The following CDH12 variants were observed in gnomAD, a reference collection of about 807,000 sequenced individuals.
CDH12 encodes the protein cadherin 12, also known as cadherin-12.
Under a neutral mutation model 74.1 loss-of-function variants are expected in CDH12, and 41 were observed. That is an observed-to-expected ratio of 0.55 (90% CI 0.43 to 0.72). The LOEUF (loss-of-function observed/expected upper bound fraction) is 0.72. CDH12 is among the 30% of genes least tolerant of loss of function. The pLI is 0.00. For synonymous variants in CDH12, 399 were observed against 355.0 expected (o/e 1.12, Z -1.39); for missense variants, 945 against 977.2 (o/e 0.97, Z 0.44).
chr5:22,113,734 C>T (rs574115580), intron 4 of CDH12, among the ~76,000 whole-genome samples: 46 of 152,218 alleles, frequency 3.0e-4, no homozygotes, highest in South Asian at 8.3e-4. Context: ...CAGAGTTTGA[C>T]TCTTTTCTTT....
At chr5:21,910,373 T>A (rs1324647494) in intron 6 of CDH12, among the ~76,000 whole-genome samples, 1 of 152,138 alleles carries the variant, frequency 6.6e-6, no homozygotes, top group African/African-American at 2.4e-5. Context: ...TGTTTTCATG[T>A]GTGGTGCCTC....
rs148678472 is a variant in CDH12 at position 22,624,783 on chromosome 5, C to T, written c.-522-119419G>A. ...CTCAAGGATCTAGAACTAGAAATAC[C>T]ATTTGACACAGCAATTCCATTACTG... On this transcript the variant is annotated intron_variant, in intron 1 of 14. Coordinates refer to ENST00000382254, the MANE Select transcript of CDH12 (RefSeq NM_004061.5). 2.6e-3 allele frequency among the ~76,000 whole-genome samples: 402 copies of T among 152,208 alleles called. 17 individuals carry two copies. The East Asian group carries it at 0.067, about 25-fold the overall frequency.
intron 3 of CDH12, among the ~76,000 whole-genome samples, chr5:22,317,183 T>C (rs1261291034): frequency 1.3e-5 from 2 of 152,056 alleles, no homozygotes; most frequent in Non-Finnish European, 2.9e-5. Flanking sequence ...TCAGGTGTAC[T>C]GGCGGGCGCC....
chr5:22,769,630 A>T (rs1746704303), intron 1 of CDH12, among the ~76,000 whole-genome samples: 1 of 152,002 alleles, frequency 6.6e-6, no homozygotes, highest in Non-Finnish European at 1.5e-5. Flanking sequence ...CTATCCTATT[A>T]GTTCTGTCTC....
At chr5:22,268,581 A>G (rs778338366) in intron 3 of CDH12, among the ~76,000 whole-genome samples, 3 of 152,148 alleles carry the variant, frequency 2.0e-5, no homozygotes, top group Non-Finnish European at 2.9e-5. Flanking sequence ...TGTAAAAAAA[A>G]ACTCTACAAT....
At chr5:22,741,979 G>A (rs533769654) in intron 1 of CDH12, among the ~76,000 whole-genome samples, 2 of 152,220 alleles carry the variant, frequency 1.3e-5, no homozygotes, top group South Asian at 4.1e-4. Context: ...TCAGGAGTTC[G>A]AGACCAGCGT....
At chr5:22,150,478 G>C (rs568027996) in intron 4 of CDH12, among the ~76,000 whole-genome samples, 2 of 151,474 alleles carry the variant, frequency 1.3e-5, no homozygotes, top group Admixed American at 6.6e-5. Flanking sequence ...TATATATAGA[G>C]AGAGAACACT....
intron 6 of CDH12, among the ~76,000 whole-genome samples, chr5:21,892,509 A>G (rs939110533): frequency 6.6e-6 from 1 of 152,100 alleles, no homozygotes; most frequent in African/African-American, 2.4e-5. Flanking sequence ...ATTAATTTGG[A>G]TTGTAAAAGA....
At chr5:21,892,302 G>T (rs1561279006) in intron 6 of CDH12, among the ~76,000 whole-genome samples, 1 of 152,106 alleles carries the variant, frequency 6.6e-6, no homozygotes, top group East Asian at 1.9e-4. Context: ...GAGTGATGTG[G>T]TTATCAATCA....
In CDH12 at chr5:22,751,721, G is replaced by A. The variant is rs574168585; in HGVS notation, c.-523+101337C>T. 2.0e-5 allele frequency among the ~76,000 whole-genome samples: 3 copies of A among 152,204 alleles called. No individual in the cohort carries two copies. The South Asian group carries it at 6.2e-4, about 32-fold the overall frequency. On this transcript the variant is annotated intron_variant, in intron 1 of 14. Coordinates refer to ENST00000382254, the MANE Select transcript of CDH12 (RefSeq NM_004061.5). ...ATATTTCTGAAGTTATTTGGTTTGGGTATGTTGCCAGCTAGCAAAACACAT... is the reference window on the plus strand; with the variant it reads ...ATATTTCTGAAGTTATTTGGTTTGGATATGTTGCCAGCTAGCAAAACACAT...
At chr5:22,651,749 A>G (rs754970439) in intron 1 of CDH12, among the ~76,000 whole-genome samples, 15 of 151,688 alleles carry the variant, frequency 9.9e-5, no homozygotes, top group Non-Finnish European at 1.5e-4. Flanking sequence ...GATTGTCATG[A>G]TGGATGCACA....
intron 1 of CDH12, among the ~76,000 whole-genome samples, chr5:22,598,167 G>T (rs986380065): frequency 5.3e-5 from 8 of 152,158 alleles, no homozygotes; most frequent in Non-Finnish European, 8.8e-5. Context: ...TCAACTTTAA[G>T]ATTCTGTGAA....
chr5:22,230,473 ATTTT>A (rs35066570), intron 3 of CDH12, among the ~76,000 whole-genome samples: 2 of 133,614 alleles, frequency 1.5e-5, no homozygotes, highest in Non-Finnish European at 1.6e-5. Context: ...AGATGTCATA[ATTTT>A]TTTTTTTTTT....
chr5:22,534,026 C>A (rs1737711812), intron 1 of CDH12, among the ~76,000 whole-genome samples: 2 of 151,970 alleles, frequency 1.3e-5, no homozygotes, highest in South Asian at 4.1e-4. Flanking sequence ...ATATCCAAGA[C>A]AATGAAAAAA....
intron 1 of CDH12, among the ~76,000 whole-genome samples, chr5:22,586,326 T>C (rs1416876793): frequency 6.6e-6 from 1 of 151,554 alleles, no homozygotes; most frequent in African/African-American, 2.4e-5. Context: ...CATCACACAC[T>C]GGGGCCTGTT....
intron 5 of CDH12, among the ~76,000 whole-genome samples, chr5:22,027,649 T>A (rs1468315294): frequency 6.6e-6 from 1 of 152,214 alleles, no homozygotes; most frequent in African/African-American, 2.4e-5. Context: ...TTCTGTGGGA[T>A]CAGTGGTGAT....
chr5:22,513,286 T>G (rs1290322496), intron 1 of CDH12, among the ~76,000 whole-genome samples: 2 of 151,754 alleles, frequency 1.3e-5, no homozygotes, highest in African/African-American at 4.8e-5. Flanking sequence ...ATGGCCAAGT[T>G]TTCTCCTGAT....
At chr5:22,287,050 C>A (rs959484006) in intron 3 of CDH12, among the ~76,000 whole-genome samples, 2 of 152,110 alleles carry the variant, frequency 1.3e-5, no homozygotes, top group African/African-American at 4.8e-5. Flanking sequence ...AGGCCTTGAA[C>A]TGGGCATTGA....
At chr5:22,845,149 T>C (rs1737246135) in intron 1 of CDH12, among the ~76,000 whole-genome samples, 1 of 152,148 alleles carries the variant, frequency 6.6e-6, no homozygotes, top group African/African-American at 2.4e-5. Flanking sequence ...TATTTTGCCT[T>C]AAGTTGCAAA....
Sources: allele counts gnomAD v4.1 joint callset (sites outside exome capture counted in the v4.1 genomes callset), GRCh38; gene constraint gnomAD v4.1.1; transcripts MANE v1.5; gene names NCBI Gene and HGNC (gene_info 2026-07-23, HGNC 2026-07-21).